The following ELAPOR1 variants were observed in gnomAD, a reference collection of about 807,000 sequenced individuals.
ELAPOR1 encodes endosome-lysosome associated apoptosis and autophagy regulator 1, also known as endosome/lysosome-associated apoptosis and autophagy regulator 1.
A neutral mutation model predicts 119.7 loss-of-function variants in ELAPOR1; 77 were observed. The ratio of observed to expected loss-of-function variants is 0.64; its 90% CI spans 0.54 to 0.78. ELAPOR1 has a LOEUF of 0.78. ELAPOR1 is among the 30% of genes least tolerant of loss of function. ELAPOR1 has a pLI of 0.00. For synonymous variants in ELAPOR1, 481 were observed against 487.2 expected, an observed-to-expected ratio of 0.99 and a Z score of 0.17; for missense variants, 1,115 against 1,270.4, an observed-to-expected ratio of 0.88 and a Z score of 1.86.
At chr1:109,171,081 A>G (rs1020023502) in intron 3 of ELAPOR1, among the ~76,000 whole-genome samples, 1 of 152,098 alleles carries the variant, frequency 6.6e-6, no homozygotes, top group Non-Finnish European at 1.5e-5. Flanking sequence ...AGTTTGGCAG[A>G]CCTGATTTCA....
In ELAPOR1 at chr1:109,164,547, G is replaced by A. The variant is rs144705447; in HGVS notation, c.323G>A (p.Cys108Tyr). The A allele has an allele frequency of 6.2e-7, 1 of 1,614,128 alleles. No individual in the cohort carries two copies. The highest frequency in any genetic ancestry group is 2.2e-5 in the East Asian group (1 of 44,886). ...GEFLDMKDQS[C>Y]KPCAEGRYSL... The stretch of plus-strand genomic sequence containing the variant: ...TTTCTGGATATGAAGGACCAGTCAT[G>A]TAAGCCATGCGCTGAGGGCCGCTAC... The change falls in exon 3 of 22, where the codon TGT becomes TAT. Residue 108 changes from cysteine (C) to tyrosine (Y), a missense_variant. Coordinates refer to ENST00000369939, the MANE Select transcript of ELAPOR1 (RefSeq NM_020775.5).
chr1:109,166,242 G>A (rs1651593908), intron 3 of ELAPOR1, among the ~76,000 whole-genome samples: 1 of 151,718 alleles, frequency 6.6e-6, no homozygotes, highest in Admixed American at 6.6e-5. Flanking sequence ...TAGTAGAGAT[G>A]GGGTTTCACC....
At chr1:109,148,043 T>G (rs1236469212) in intron 1 of ELAPOR1, among the ~76,000 whole-genome samples, 1 of 151,542 alleles carries the variant, frequency 6.6e-6, no homozygotes, top group Admixed American at 6.6e-5. Flanking sequence ...TTCACTGTGT[T>G]AGCCAGGATG....
At chr1:109,186,469 T>C in intron 8 of ELAPOR1, 3 of 985,000 alleles carry the variant, frequency 3.0e-6, no homozygotes, top group Non-Finnish European at 3.6e-6. Flanking sequence ...CTTTCCTAAC[T>C]AAGCATGGGT....
intron 1 of ELAPOR1, 42 bp from the exon 2 acceptor site, chr1:109,161,852 C>G (rs776938205): frequency 1.3e-6 from 2 of 1,573,844 alleles, no homozygotes; most frequent in Non-Finnish European, 1.7e-6. Flanking sequence ...AATGTTTGAT[C>G]ACTGCTAATG....
intron 7 of ELAPOR1, among the ~76,000 whole-genome samples, chr1:109,178,657 G>A (rs1198653745): frequency 3.3e-5 from 5 of 152,182 alleles, no homozygotes; most frequent in South Asian, 2.1e-4. Flanking sequence ...GGATAGGAGA[G>A]CTGGGTGTAG....
Position 109,199,786 on chromosome 1 carries a change from G to T in ELAPOR1, c.2502-68G>T. ...AAATCAGGCAAGCTATGAGACAACA[G>T]GCTTCCAACCAGATCTTCCCCACCC... On this transcript the variant is annotated intron_variant, in intron 18 of 21. Transcript: ENST00000369939. 3.8e-6 allele frequency: 6 copies of T among 1,577,142 alleles called. 1 individual carries two copies. In the South Asian group the frequency reaches 6.8e-5, roughly 18 times the overall value.
intron 15 of ELAPOR1, 68 bp downstream of exon 15, chr1:109,194,662 G>T: frequency 6.8e-7 from 1 of 1,470,868 alleles, no homozygotes; most frequent in South Asian, 1.2e-5. Flanking sequence ...GCCAGAGACA[G>T]ACACAGGAGA....
intron 3 of ELAPOR1, among the ~76,000 whole-genome samples, chr1:109,167,736 C>T (rs1042011609): frequency 7.9e-5 from 12 of 152,114 alleles, no homozygotes; most frequent in Admixed American, 5.2e-4. Flanking sequence ...CAACCTCCCG[C>T]GTAGCTGGGA....
At chr1:109,176,521 T>C (rs1283828428) in intron 7 of ELAPOR1, among the ~76,000 whole-genome samples, 1 of 152,136 alleles carries the variant, frequency 6.6e-6, no homozygotes, top group African/African-American at 2.4e-5. Flanking sequence ...ACCTTGTGAA[T>C]TGCTTGTTTC....
At chr1:109,201,984 C>T (rs1247352203) in intron 21 of ELAPOR1, among the ~76,000 whole-genome samples, 4 of 152,180 alleles carry the variant, frequency 2.6e-5, no homozygotes, top group African/African-American at 9.6e-5. Flanking sequence ...CCAGTAGTCT[C>T]AGCTACTTGG....
At chr1:109,144,648 A>G (rs987175804) in intron 1 of ELAPOR1, among the ~76,000 whole-genome samples, 3 of 152,144 alleles carry the variant, frequency 2.0e-5, no homozygotes, top group African/African-American at 7.2e-5. Context: ...AGGCTGAGGC[A>G]GGAGAATCTC....
intron 7 of ELAPOR1, among the ~76,000 whole-genome samples, chr1:109,174,865 G>A (rs1040068858): frequency 4.6e-5 from 7 of 152,078 alleles, no homozygotes; most frequent in African/African-American, 1.2e-4. Flanking sequence ...ACAGGCGCCC[G>A]CCACTGCGCC....
At chr1:109,190,527 T>G (rs1231474764) in intron 11 of ELAPOR1, among the ~76,000 whole-genome samples, 2 of 152,228 alleles carry the variant, frequency 1.3e-5, no homozygotes, top group Non-Finnish European at 2.9e-5. Context: ...GTCTGACACC[T>G]TCATTTCCTT....
intron 5 of ELAPOR1, 101 bp downstream of exon 5, chr1:109,172,669 C>T: frequency 1.3e-6 from 1 of 795,698 alleles, no homozygotes; most frequent in Non-Finnish European, 2.1e-6. Context: ...ACCCCAATGT[C>T]CCTGGAGGGC....
chr1:109,163,389 C>T (rs537811787), intron 2 of ELAPOR1, among the ~76,000 whole-genome samples: 13 of 152,176 alleles, frequency 8.5e-5, no homozygotes, highest in African/African-American at 2.9e-4. Flanking sequence ...ATAGTACATA[C>T]GTGTTTTACT....
intron 20 of ELAPOR1, 105 bp from the exon 21 acceptor site, chr1:109,200,630 C>A: frequency 9.4e-7 from 1 of 1,064,412 alleles, no homozygotes; most frequent in Non-Finnish European, 1.4e-6. Context: ...AGTCTCCTTA[C>A]CCATGGCATG....
rs745992633 is a variant in ELAPOR1, at chr1:109,198,082, A to G, written c.2399+7A>G. On this transcript the variant is annotated splice_region_variant and intron_variant, in intron 17 of 21. Transcript: ENST00000369939. ...ACGTGATCTTCTTTTATAGGTGAAGATGAGAGGCTAGGCTAATGCAAGTGA... is the reference window on the plus strand; with the variant it reads ...ACGTGATCTTCTTTTATAGGTGAAGGTGAGAGGCTAGGCTAATGCAAGTGA... 4.4e-6 allele frequency: 7 copies of G among 1,607,292 alleles called. No individual in the cohort carries two copies. The South Asian group carries it at 7.7e-5, about 18-fold the overall frequency.
chr1:109,119,628 A>T (rs889841585), intron 1 of ELAPOR1, among the ~76,000 whole-genome samples: 1 of 152,070 alleles, frequency 6.6e-6, no homozygotes, highest in Middle Eastern at 3.4e-3. Context: ...TTCTAAACTC[A>T]TCTACGTTAT....
Sources: allele counts gnomAD v4.1 joint callset (sites outside exome capture counted in the v4.1 genomes callset), GRCh38; gene constraint gnomAD v4.1.1; transcripts MANE v1.5; gene names NCBI Gene and HGNC (gene_info 2026-07-23, HGNC 2026-07-21).